SPATS2L: variants seen among roughly 807,000 people sequenced by gnomAD.
SPATS2L encodes SPATS2-like protein.
In SPATS2L, 30 loss-of-function variants were observed where a neutral mutation model predicts 59.6. The ratio of observed to expected loss-of-function variants is 0.50; its 90% CI spans 0.38 to 0.68. The LOEUF is 0.68. Among genes scored for constraint, SPATS2L ranks in the 30% least tolerant of loss-of-function variants. The probability of loss-of-function intolerance (pLI) is 0.00; values close to 1 mark genes in which losing one functional copy is unlikely to be tolerated. For synonymous variants in SPATS2L, 252 were observed against 263.5 expected (o/e 0.96, Z 0.42); for missense variants, 615 against 700.0 (o/e 0.88, Z 1.37).
At chr2:200,472,019 C>T (rs1294813793) in intron 11 of SPATS2L, among the ~76,000 whole-genome samples, 1 of 152,152 alleles carries the variant, frequency 6.6e-6, no homozygotes, top group Admixed American at 6.5e-5. Flanking sequence ...TAGAAATCAT[C>T]CCAGCAGAAA....
rs995041311 is a variant in SPATS2L at position 200,306,920 on chromosome 2, G to C, written c.-75G>C. 3.1e-6 allele frequency: 3 copies of C among 981,830 alleles called. No individual in the cohort carries two copies. Among genetic ancestry groups the C allele is most frequent in the Admixed American group, 6.3e-5 (1 of 15,968 alleles). The allele number at this position is 981,830 out of a possible 1,614,324, so 60.8% of individuals were successfully genotyped here. A position where few individuals can be genotyped will look rare whatever the true frequency, so the allele number is the denominator to read the frequency against. On this transcript the variant is annotated splice_region_variant and 5_prime_UTR_variant, in exon 1 of 13. Coordinates refer to ENST00000409140, the MANE Select transcript of SPATS2L (RefSeq NM_001100423.2). ...GACGGAGGAGCCGGCGCTCGACACAGAGGTAAGCCCAGGACCCCCTCCACG... is the reference window on the plus strand; with the variant it reads ...GACGGAGGAGCCGGCGCTCGACACACAGGTAAGCCCAGGACCCCCTCCACG...
intron 2 of SPATS2L, among the ~76,000 whole-genome samples, chr2:200,370,995 TC>T (rs1422510345): frequency 1.3e-5 from 2 of 152,050 alleles, no homozygotes; most frequent in South Asian, 4.2e-4. Context: ...AAAAGAAAAA[TC>T]AACTGCCAAA....
chr2:200,326,580 C>T (rs2079751210), intron 1 of SPATS2L, among the ~76,000 whole-genome samples: 1 of 152,128 alleles, frequency 6.6e-6, no homozygotes, highest in Admixed American at 6.5e-5. Context: ...GTTGCCATTG[C>T]ATAAAATAAT....
chr2:200,479,939 G>C lies in SPATS2L; in HGVS notation c.*1908G>C. Reference sequence around the variant, plus strand: ...ACATTCCAGGAAGGAAGGAAGAGTTGTTCGTTCAAATAAGAAAGATAAATG... The same window carrying C: ...ACATTCCAGGAAGGAAGGAAGAGTTCTTCGTTCAAATAAGAAAGATAAATG... On this transcript the variant is annotated 3_prime_UTR_variant, in exon 13 of 13. Transcript: ENST00000409140. 3 of 393,894 alleles carry C rather than the reference G, an allele frequency of 7.6e-6. No homozygotes were observed. The highest frequency in any genetic ancestry group is 1.3e-5 in the Non-Finnish European group (3 of 223,754). 24.4% of individuals were successfully genotyped at this position (393,894 alleles called of 1,614,324 possible).
At chr2:200,365,921 C>A (rs940577958) in intron 2 of SPATS2L, among the ~76,000 whole-genome samples, 7 of 152,168 alleles carry the variant, frequency 4.6e-5, no homozygotes, top group Non-Finnish European at 1.0e-4. Flanking sequence ...TAGGACTCAG[C>A]ACAAGCCTAT....
At chr2:200,343,152 C>T (rs1193289188) in intron 2 of SPATS2L, among the ~76,000 whole-genome samples, 1 of 152,054 alleles carries the variant, frequency 6.6e-6, no homozygotes, top group Non-Finnish European at 1.5e-5. Context: ...TGCATGTAAT[C>T]AGAGCACTAC....
intron 2 of SPATS2L, among the ~76,000 whole-genome samples, chr2:200,346,054 G>A (rs980531549): frequency 6.6e-6 from 1 of 152,206 alleles, no homozygotes; most frequent in Non-Finnish European, 1.5e-5. Flanking sequence ...GTTTAGTTCA[G>A]TGAGGCAAGA....
At chr2:200,453,910 A>G (rs779303488) in intron 8 of SPATS2L, among the ~76,000 whole-genome samples, 1 of 152,160 alleles carries the variant, frequency 6.6e-6, no homozygotes, top group Admixed American at 6.5e-5. Context: ...TGAAATATTC[A>G]TTAGCATTCA....
chr2:200,461,012 C>T (rs929005597), intron 9 of SPATS2L: 6 of 152,020 alleles, frequency 3.9e-5, no homozygotes, highest in African/African-American at 1.2e-4. Flanking sequence ...TGGGGTTTCA[C>T]CATGTTAGCC....
intron 2 of SPATS2L, among the ~76,000 whole-genome samples, chr2:200,340,141 A>G (rs1210386692): frequency 6.6e-6 from 1 of 152,192 alleles, no homozygotes; most frequent in Non-Finnish European, 1.5e-5. Context: ...TCTCCCATGC[A>G]CTAGAAAAGG....
chr2:200,355,290 A>AC lies in SPATS2L; in HGVS notation c.-23+25811dup, dbSNP rs1392912539. On this transcript the variant is annotated intron_variant, in intron 2 of 12. Coordinates refer to ENST00000409140, the MANE Select transcript of SPATS2L (RefSeq NM_001100423.2). ...ACACAGTTAGGGGGTCTCACCCCAGACATAGCCTCTGGGCTGGACCTGGTG... is the reference window on the plus strand; with the variant it reads ...ACACAGTTAGGGGGTCTCACCCCAGACCATAGCCTCTGGGCTGGACCTGGTG... 2.6e-5 allele frequency among the ~76,000 whole-genome samples: 4 copies of AC among 152,362 alleles called. No homozygotes were observed. In the East Asian group the frequency reaches 7.7e-4, roughly 29 times the overall value.
At chr2:200,454,109 C>T (rs531037975) in intron 8 of SPATS2L, among the ~76,000 whole-genome samples, 6 of 152,290 alleles carry the variant, frequency 3.9e-5, no homozygotes, top group South Asian at 2.1e-4. Flanking sequence ...AGATGGTCCC[C>T]GGCAATTCCT....
chr2:200,367,402 G>A (rs932768866), intron 2 of SPATS2L, among the ~76,000 whole-genome samples: 3 of 152,134 alleles, frequency 2.0e-5, no homozygotes, highest in Admixed American at 6.5e-5. Flanking sequence ...CAACACACCA[G>A]GAAACAGCAA....
At chr2:200,437,767 CTAAT>C (rs760812348) in intron 6 of SPATS2L, among the ~76,000 whole-genome samples, 1 of 152,050 alleles carries the variant, frequency 6.6e-6, no homozygotes, top group South Asian at 2.1e-4. Context: ...CAACTGAAGT[CTAAT>C]TATATTGATC....
At chr2:200,466,207 G>A (rs1170024863) in intron 9 of SPATS2L, among the ~76,000 whole-genome samples, 1 of 152,200 alleles carries the variant, frequency 6.6e-6, no homozygotes. Context: ...GGACCTGCAC[G>A]TATGCTGTGA....
chr2:200,312,855 G>C (rs1294156820), intron 1 of SPATS2L, among the ~76,000 whole-genome samples: 1 of 152,194 alleles, frequency 6.6e-6, no homozygotes, highest in African/African-American at 2.4e-5. Flanking sequence ...GCTAGCTGTT[G>C]CAAAGTACTA....
At chr2:200,360,237 C>T (rs1385477241) in intron 2 of SPATS2L, among the ~76,000 whole-genome samples, 1 of 152,138 alleles carries the variant, frequency 6.6e-6, no homozygotes, top group Non-Finnish European at 1.5e-5. Context: ...TTCTCTTCTT[C>T]AAAAATTGTT....
At chr2:200,333,100 G>T (rs1465818559) in intron 2 of SPATS2L, among the ~76,000 whole-genome samples, 4 of 151,630 alleles carry the variant, frequency 2.6e-5, no homozygotes, top group African/African-American at 9.7e-5. Flanking sequence ...GGGCAACATG[G>T]TGAATCTCTT....
chr2:200,319,495 G>A (rs1574382786), intron 1 of SPATS2L, among the ~76,000 whole-genome samples: 4 of 150,082 alleles, frequency 2.7e-5, no homozygotes, highest in South Asian at 2.1e-4. Flanking sequence ...AACCCCAAAG[G>A]TGGAGGTTGC....
Sources: allele counts gnomAD v4.1 joint callset (sites outside exome capture counted in the v4.1 genomes callset), GRCh38; gene constraint gnomAD v4.1.1; transcripts MANE v1.5; gene names NCBI Gene and HGNC (gene_info 2026-07-23, HGNC 2026-07-21).